Variants in CCDC192 observed in about 807,000 individuals in gnomAD.
CCDC192 encodes the protein coiled-coil domain-containing protein 192.
In CCDC192 at chr5:127,719,524, TACACACATAC is replaced by T. The variant is rs1247968085; in HGVS notation, c.114+11766_114+11775del. 8.7e-3 allele frequency among the ~76,000 whole-genome samples: 768 copies of T among 87,960 alleles called. 20 individuals carry two copies. Among genetic ancestry groups the T allele is most frequent in the African/African-American group, 0.025 (540 of 21,394 alleles). The allele number at this position is 87,960 out of a possible 152,430, so 57.7% of individuals were successfully genotyped here. On this transcript the variant is annotated intron_variant, in intron 2 of 6. Coordinates refer to ENST00000514853, the MANE Select transcript of CCDC192 (RefSeq NM_001317938.2). Reference sequence around the variant, plus strand: ...ACACATACATATATATATATATATATACACACATACATATATATATATATATATATATATA... The same window carrying T: ...ACACATACATATATATATATATATATATATATATATATATATATATATATA...
rs191793884 is a variant in CCDC192 at position 127,741,484 on chromosome 5, A to C, written c.115-12784A>C. Among the ~76,000 whole-genome samples, 17 of 152,318 alleles carry C rather than the reference A, an allele frequency of 1.1e-4. No homozygotes were observed. The East Asian group carries it at 3.3e-3, about 29-fold the overall frequency. ...AAGAGTGCTTAAACACCCTGAAAGCATATACAAAATTATGTGCAGGTGTGC... is the reference window on the plus strand; with the variant it reads ...AAGAGTGCTTAAACACCCTGAAAGCCTATACAAAATTATGTGCAGGTGTGC... On this transcript the variant is annotated intron_variant, in intron 2 of 6. Transcript: ENST00000514853.
chr5:127,831,408 A>G (rs1749791429), intron 5 of CCDC192, among the ~76,000 whole-genome samples: 1 of 151,946 alleles, frequency 6.6e-6, no homozygotes, highest in East Asian at 1.9e-4. Flanking sequence ...GTGTGTGTGC[A>G]TGCACATCTC....
chr5:127,747,677 A>G (rs373405228), intron 2 of CCDC192, among the ~76,000 whole-genome samples: 14 of 151,890 alleles, frequency 9.2e-5, no homozygotes, highest in Non-Finnish European at 1.2e-4. Context: ...CTGGGGAATC[A>G]CCACACTGAC....
At chr5:127,766,240 A>G (rs1755217948) in intron 3 of CCDC192, among the ~76,000 whole-genome samples, 2 of 152,148 alleles carry the variant, frequency 1.3e-5, no homozygotes, top group Admixed American at 6.5e-5. Flanking sequence ...TGCTCAGTCA[A>G]GGAAAAATAC....
At chr5:127,903,103 A>G (rs1447038237) in intron 6 of CCDC192, among the ~76,000 whole-genome samples, 1 of 152,152 alleles carries the variant, frequency 6.6e-6, no homozygotes, top group Non-Finnish European at 1.5e-5. Flanking sequence ...ACTTTCCGGC[A>G]TGCTCTTCCA....
intron 6 of CCDC192, among the ~76,000 whole-genome samples, chr5:127,920,728 A>C (rs1049740188): frequency 6.6e-6 from 1 of 151,656 alleles, no homozygotes; most frequent in Non-Finnish European, 1.5e-5. Flanking sequence ...AGGTATTAAT[A>C]AGTTATTTTT....
At chr5:127,782,781 T>G (rs553343346) in intron 3 of CCDC192, among the ~76,000 whole-genome samples, 1 of 152,144 alleles carries the variant, frequency 6.6e-6, no homozygotes, top group South Asian at 2.1e-4. Context: ...ATTTCTCTTT[T>G]GTATTTTTTG....
At position 127,746,090 on chromosome 5, in the gene CCDC192, C is replaced by T. The variant is rs75548044; in HGVS notation, c.115-8178C>T. ...GCTTGCTTTTGTATAAGCTCTTTCCCGTAAGGGAGTGGGAGAAGCTGAAAG... is the reference window on the plus strand; with the variant it reads ...GCTTGCTTTTGTATAAGCTCTTTCCTGTAAGGGAGTGGGAGAAGCTGAAAG... On this transcript the variant is annotated intron_variant, in intron 2 of 6. Coordinates refer to ENST00000514853, the MANE Select transcript of CCDC192 (RefSeq NM_001317938.2). Among the ~76,000 whole-genome samples, 57 of 152,252 alleles carry T rather than the reference C, an allele frequency of 3.7e-4. 1 individual carries two copies. The East Asian group carries it at 7.9e-3, about 21-fold the overall frequency.
intron 5 of CCDC192, among the ~76,000 whole-genome samples, chr5:127,802,151 T>G (rs1757538514): frequency 2.6e-5 from 4 of 152,218 alleles, no homozygotes. Flanking sequence ...CATTATCTGT[T>G]TATATATCCG....
At chr5:127,867,263 C>T (rs1214236782) in intron 5 of CCDC192, among the ~76,000 whole-genome samples, 4 of 152,154 alleles carry the variant, frequency 2.6e-5, no homozygotes, top group Non-Finnish European at 5.9e-5. Flanking sequence ...TATTAATTTT[C>T]TTCTGGAAGA....
At chr5:127,840,168 G>A (rs1750220716) in intron 5 of CCDC192, among the ~76,000 whole-genome samples, 1 of 152,146 alleles carries the variant, frequency 6.6e-6, no homozygotes, top group Non-Finnish European at 1.5e-5. Context: ...CTAGGAATGA[G>A]AGCCACAAGT....
intron 6 of CCDC192, among the ~76,000 whole-genome samples, chr5:127,939,092 A>G (rs912809743): frequency 1.4e-5 from 2 of 147,622 alleles, no homozygotes; most frequent in African/African-American, 5.0e-5. Flanking sequence ...AACTTATGAA[A>G]GGCACTCAAA....
intron 6 of CCDC192, among the ~76,000 whole-genome samples, chr5:127,907,832 G>A (rs6891675): frequency 0.51 from 77,541 of 151,910 alleles, 20,315 homozygotes; most frequent in Non-Finnish European, 0.55. Flanking sequence ...ATCTTTAGCC[G>A]GTTTGTAAAA....
chr5:127,865,927 T>C (rs1028741903), intron 5 of CCDC192, among the ~76,000 whole-genome samples: 1 of 152,128 alleles, frequency 6.6e-6, no homozygotes, highest in Non-Finnish European at 1.5e-5. Context: ...AAGAACAGGA[T>C]AGAATTGTAG....
intron 3 of CCDC192, among the ~76,000 whole-genome samples, chr5:127,790,849 T>C (rs980946420): frequency 1.3e-5 from 2 of 152,240 alleles, no homozygotes; most frequent in African/African-American, 4.8e-5. Flanking sequence ...TCCTTTTTAT[T>C]GCTTTTTAAA....
Position 127,739,500 on chromosome 5 carries a change from G to A in CCDC192, c.115-14768G>A, listed in dbSNP as rs527946037. The A allele has an allele frequency of 1.6e-3, 252 of 161,408 alleles. 2 individuals carry two copies. The highest frequency in any genetic ancestry group is 6.5e-3 in the South Asian group (33 of 5,080). The allele number at this position is 161,408 out of a possible 1,614,324, so 10.0% of individuals were successfully genotyped here. ...GCTGCTTTGTTTACCTAATCAAGCC[G>A]GGGCAATGGTGGGCGCCCCTCCCCC... On this transcript the variant is annotated intron_variant, in intron 2 of 6. Coordinates refer to ENST00000514853, the MANE Select transcript of CCDC192 (RefSeq NM_001317938.2).
Position 127,941,414 on chromosome 5 carries a change from C to T in CCDC192, c.768C>T (p.Ala256=), listed in dbSNP as rs1023975048. Residue 256 remains alanine, a synonymous_variant, in exon 7 of 7, where the codon GCC becomes GCT. Coordinates refer to ENST00000514853, the MANE Select transcript of CCDC192 (RefSeq NM_001317938.2). ...VKDPPGCLPE[A]PVFSTHDIPP... ...ACCCTCCAGGATGTTTACCAGAAGC[C>T]CCAGTTTTCTCTACTCATGACATCC... is the stretch of plus-strand genomic sequence containing the variant. 2.5e-6 allele frequency: 1 copy of T among 398,872 alleles called. No individual in the cohort carries two copies. The highest frequency in any genetic ancestry group is 4.4e-6 in the Non-Finnish European group (1 of 226,068). The allele number at this position is 398,872 out of a possible 1,614,324, so 24.7% of individuals were successfully genotyped here.
At chr5:127,929,205 C>A (rs1356002010) in intron 6 of CCDC192, among the ~76,000 whole-genome samples, 1 of 152,146 alleles carries the variant, frequency 6.6e-6, no homozygotes, top group Non-Finnish European at 1.5e-5. Context: ...AAATGAACGA[C>A]AAAAATAAGT....
At chr5:127,848,395 G>A (rs914580366) in intron 5 of CCDC192, among the ~76,000 whole-genome samples, 3 of 152,030 alleles carry the variant, frequency 2.0e-5, no homozygotes, top group African/African-American at 7.3e-5. Flanking sequence ...TATTTTCTTG[G>A]TCTGAGTTTA....
Sources: allele counts gnomAD v4.1 joint callset (sites outside exome capture counted in the v4.1 genomes callset), GRCh38; gene constraint gnomAD v4.1.1; transcripts MANE v1.5; gene names NCBI Gene and HGNC (gene_info 2026-07-23, HGNC 2026-07-21).